Variants in SP110 observed in about 807,000 individuals in gnomAD.
SP110 encodes the protein interferon-induced protein 41, 30kD.
In SP110, 62 loss-of-function variants were observed where a neutral mutation model predicts 92.7. The observed-to-expected ratio is 0.67, with a 90% CI of 0.55 to 0.83. The LOEUF is 0.83. Ranked by LOEUF, SP110 falls within the 40% of genes least tolerant of loss-of-function variation. The probability of loss-of-function intolerance (pLI) is 0.00; values close to 1 mark genes in which losing one functional copy is unlikely to be tolerated. For missense variants in SP110, 793 were observed against 863.9 expected (o/e 0.92, Z 1.03); for synonymous variants, 273 against 305.3 (o/e 0.89, Z 1.10).
chr2:230,177,010 A>G (rs912365798), intron 14 of SP110, among the ~76,000 whole-genome samples: 1 of 152,096 alleles, frequency 6.6e-6, no homozygotes, highest in African/African-American at 2.4e-5. Context: ...CCCTCTCTAG[A>G]TTAAAATCTT....
intron 17 of SP110, 55 bp downstream of exon 17, chr2:230,171,641 C>T: frequency 5.2e-6 from 7 of 1,339,106 alleles, no homozygotes; most frequent in Non-Finnish European, 6.5e-6. Flanking sequence ...GCCAGATCAG[C>T]CCCCAAATTT....
intron 14 of SP110, chr2:230,176,464 T>C: frequency 6.9e-7 from 1 of 1,444,438 alleles, no homozygotes. Flanking sequence ...CTAAAACACA[T>C]GGACATGATG....
intron 10 of SP110, 57 bp downstream of exon 10, chr2:230,200,828 C>G (rs1355856009): frequency 7.8e-7 from 1 of 1,282,794 alleles, no homozygotes; most frequent in African/African-American, 1.5e-5. Context: ...TGTAAGACAG[C>G]TCTGAATTTA....
At chr2:230,224,725 G>T (rs1290243383), upstream of SP110, among the ~76,000 whole-genome samples, 2 of 152,134 alleles carry the variant, frequency 1.3e-5, no homozygotes, top group Non-Finnish European at 2.9e-5. Context: ...GAAAAAGTAG[G>T]ATTCAGGAGC....
intron 2 of SP110, among the ~76,000 whole-genome samples, chr2:230,216,147 G>C (rs1452961959): frequency 1.3e-5 from 2 of 152,152 alleles, no homozygotes; most frequent in African/African-American, 4.8e-5. Context: ...TTATAAATTG[G>C]GATGATGCCT....
chr2:230,224,935 G>A (rs1196843254), upstream of SP110, among the ~76,000 whole-genome samples: 2 of 152,152 alleles, frequency 1.3e-5, no homozygotes, highest in African/African-American at 2.4e-5. Context: ...TCGACTTTAT[G>A]CTGATATAGT....
upstream of SP110, among the ~76,000 whole-genome samples, chr2:230,221,315 T>C (rs2045801832): frequency 6.6e-6 from 1 of 151,976 alleles, no homozygotes; most frequent in Admixed American, 6.6e-5. Flanking sequence ...TATGTAACTT[T>C]GATTAAATCA....
chr2:230,217,617 AC>A (rs1206634136), intron 1 of SP110, among the ~76,000 whole-genome samples: 1 of 152,182 alleles, frequency 6.6e-6, no homozygotes, highest in East Asian at 1.9e-4. Context: ...CTATGACTGC[AC>A]CTGTTTATAC....
rs146884976 is a variant in SP110 at position 230,181,415 on chromosome 2, C to T, written c.1348+2157G>A. ...TTTCACGCAGTGAACAGGCTGTGCACAGATCATTCATCACAGTTAAGATAA... is the reference window on the plus strand; with the variant it reads ...TTTCACGCAGTGAACAGGCTGTGCATAGATCATTCATCACAGTTAAGATAA... On this transcript the variant is annotated intron_variant, in intron 12 of 18. Coordinates refer to ENST00000258381, the MANE Select transcript of SP110 (RefSeq NM_080424.4). Among the ~76,000 whole-genome samples, 198 of 152,276 alleles carry T rather than the reference C, an allele frequency of 1.3e-3. 1 individual carries two copies. Among genetic ancestry groups the T allele is most frequent in the African/African-American group, 4.3e-3 (177 of 41,564 alleles).
At position 230,212,885 on chromosome 2, in the gene SP110, C is replaced by A. The variant is rs201957445; in HGVS notation, c.459G>T (p.Ala153=). 46 of 1,614,004 alleles carry A rather than the reference C, an allele frequency of 2.9e-5. No homozygotes were observed. Among genetic ancestry groups the A allele is most frequent in the Non-Finnish European group, 3.8e-5 (45 of 1,179,998 alleles). ...QPPQPSCSPC[A]PRVSEPGTSS... is the part of the protein sequence containing the mutation. ...ATGTTCCAGGCTCACTGACTCTTGG[C>A]GCACAGGGTGAACAGCTTGGTTGAG... The change falls in exon 4 of 19, where the codon GCG becomes GCT. Residue 153 remains alanine (A), a synonymous_variant. Transcript: ENST00000258381.
At chr2:230,197,005 G>A (rs1227812646) in intron 10 of SP110, among the ~76,000 whole-genome samples, 4 of 152,194 alleles carry the variant, frequency 2.6e-5, no homozygotes, top group East Asian at 3.9e-4. Context: ...ATAAACATAC[G>A]TGTGCATGTG....
intron 8 of SP110, among the ~76,000 whole-genome samples, chr2:230,206,249 C>A (rs2043785055): frequency 6.6e-6 from 1 of 152,130 alleles, no homozygotes; most frequent in Non-Finnish European, 1.5e-5. Context: ...ATCCTTCCCA[C>A]ACAACTGGCT....
rs200606484 is a variant in SP110 at position 230,202,731 on chromosome 2, G to A, written c.899-3C>T. 6.2e-6 allele frequency: 10 copies of A among 1,613,894 alleles called. No homozygotes were observed. Among genetic ancestry groups the A allele is most frequent in the Non-Finnish European group, 8.5e-6 (10 of 1,179,962 alleles). Reference sequence around the variant, plus strand: ...TCCGTGTCTAGATGAGGCTGTCCCTGGACCAAATAATGACTTGTTAATAGT... The same window carrying A: ...TCCGTGTCTAGATGAGGCTGTCCCTAGACCAAATAATGACTTGTTAATAGT... On this transcript the variant is annotated splice_polypyrimidine_tract_variant and splice_region_variant and intron_variant, in intron 8 of 18. Transcript: ENST00000258381.
chr2:230,194,703 A>G (rs930780334), intron 10 of SP110, among the ~76,000 whole-genome samples: 1 of 152,188 alleles, frequency 6.6e-6, no homozygotes, highest in Non-Finnish European at 1.5e-5. Context: ...TGGAACTGAA[A>G]GTCTGAATCC....
At chr2:230,171,521 C>G (rs1345596317) in intron 17 of SP110, 175 bp downstream of exon 17, 1 of 657,240 alleles carries the variant, frequency 1.5e-6, no homozygotes, top group African/African-American at 1.8e-5. Flanking sequence ...GAGTTTGAAC[C>G]AGGTAGTCCC....
At chr2:230,175,961 T>TTTTTTTTTTTTTG in intron 14 of SP110, among the ~76,000 whole-genome samples, 1 of 149,972 alleles carries the variant, frequency 6.7e-6, no homozygotes, top group Admixed American at 6.6e-5. Context: ...TTTTTTTTTC[T>TTTTTTTTTTTTTG]GAGACAGGGT....
In SP110 at chr2:230,172,874, T is replaced by A. The variant is rs935474158; in HGVS notation, c.1676A>T (p.Asp559Val). The change falls in exon 15 of 19, where the codon GAC (aspartate) becomes GTC (valine). Residue 559 changes from aspartate (D) to valine (V), a missense_variant. Transcript: ENST00000258381. ...GGCTTCCACAGGGGGGATGTGACAG[T>A]CCTCATGGAAGACTCGTGGACAAGT... ...CGTCPRVFHE[D>V]CHIPPVEAKR... The A allele has an allele frequency of 6.2e-7, 1 of 1,613,842 alleles. No individual in the cohort carries two copies. The highest frequency in any genetic ancestry group is 1.3e-5 in the African/African-American group (1 of 74,904).
At chr2:230,177,710 C>T (rs552408338) in intron 13 of SP110, 30 bp from the exon 14 acceptor site, 2 of 1,612,144 alleles carry the variant, frequency 1.2e-6, no homozygotes, top group Non-Finnish European at 8.5e-7. Context: ...CTTGGATCTA[C>T]CCCCATCCTC....
intron 10 of SP110, among the ~76,000 whole-genome samples, chr2:230,195,688 A>T (rs1404016524): frequency 2.0e-5 from 3 of 152,136 alleles, no homozygotes; most frequent in Non-Finnish European, 4.4e-5. Context: ...TAAACCATGG[A>T]TATTAAAAGG....
Sources: gnomAD v4.1 joint callset for allele counts (sites outside exome capture counted in the v4.1 genomes callset) on GRCh38, gnomAD v4.1.1 for gene constraint, MANE v1.5 for transcripts, NCBI Gene and HGNC (gene_info 2026-07-23, HGNC 2026-07-21) for gene names.